TRIM33: variants seen among roughly 807,000 people sequenced by gnomAD.
TRIM33 encodes the protein tripartite motif containing 33.
A neutral mutation model predicts 125.4 loss-of-function variants in TRIM33; 20 were observed. The observed-to-expected ratio is 0.16, with a 90% CI of 0.11 to 0.23. The LOEUF (loss-of-function observed/expected upper bound fraction) is 0.23. Ranked by LOEUF, TRIM33 falls within the 10% of genes least tolerant of loss-of-function variation. The probability of loss-of-function intolerance (pLI) is 1.00; values close to 1 mark genes in which losing one functional copy is unlikely to be tolerated. For synonymous variants in TRIM33, 564 were observed against 513.9 expected (o/e 1.10, Z -1.32); for missense variants, 920 against 1,411.4 (o/e 0.65, Z 5.58).
intron 4 of TRIM33, among the ~76,000 whole-genome samples, chr1:114,444,593 C>G (rs1249999261): frequency 6.6e-6 from 1 of 152,176 alleles, no homozygotes. Context: ...AAATTGGGTA[C>G]CACCAACTTA....
chr1:114,511,040 C>T lies in TRIM33; in HGVS notation c.37G>A (p.Gly13Ser). ...GGCGCGCTGCCGCTGCCCCCGCCGC[C>T]GCTCTCAGCCTCGCCGCCGCCTTTG... ...ENKGGGEAESGGGGSGSAPVT... is the reference protein window; with the variant it reads ...ENKGGGEAESSGGGSGSAPVT... The change falls in exon 1 of 20, where the codon GGC (glycine) becomes AGC (serine). Residue 13 changes from glycine to serine, a missense_variant. Gly to Ser is a moderately conservative substitution (Grantham distance 56). Around this residue, in one of 8 missense-constraint regions of TRIM33, gnomAD observed 233 missense variants for 189.6 expected, o/e 1.23. Coordinates refer to ENST00000358465, the MANE Select transcript of TRIM33 (RefSeq NM_015906.4). 1 of 1,313,836 alleles carries T rather than the reference C, an allele frequency of 7.6e-7. No homozygotes were observed. The allele number at this position is 1,313,836 out of a possible 1,614,324, so 81.4% of individuals were successfully genotyped here.
intron 11 of TRIM33, among the ~76,000 whole-genome samples, chr1:114,420,711 A>C (rs1389353579): frequency 6.6e-6 from 1 of 152,228 alleles, no homozygotes; most frequent in African/African-American, 2.4e-5. Flanking sequence ...GCTCTGATCT[A>C]TGTTATAGAA....
At position 114,463,752 on chromosome 1, in the gene TRIM33, T is replaced by C. The variant is rs112336190; in HGVS notation, c.646-196A>G. Among the ~76,000 whole-genome samples the C allele has an allele frequency of 6.5e-3, 987 of 151,114 alleles. 6 individuals are homozygous for C. The highest frequency in any genetic ancestry group is 0.014 in the African/African-American group (594 of 41,108). Reference sequence around the variant, plus strand: ...AAAATCTAAGGCTGAGAACACGAAGTCTGTGCAGATTTGACTTTTTTTTTT... The same window carrying C: ...AAAATCTAAGGCTGAGAACACGAAGCCTGTGCAGATTTGACTTTTTTTTTT... On this transcript the variant is annotated intron_variant, in intron 2 of 19. Transcript: ENST00000358465.
intron 1 of TRIM33, among the ~76,000 whole-genome samples, chr1:114,491,639 C>CA (rs1053875393): frequency 2.2e-4 from 34 of 151,850 alleles, no homozygotes; most frequent in Non-Finnish European, 4.3e-4. Flanking sequence ...CCAGTCTTTA[C>CA]AAAAAATGTA....
At chr1:114,479,622 G>A (rs1242336823) in intron 1 of TRIM33, among the ~76,000 whole-genome samples, 1 of 152,216 alleles carries the variant, frequency 6.6e-6, no homozygotes, top group Non-Finnish European at 1.5e-5. Flanking sequence ...TCTAAAGGAA[G>A]TCTGTCAGGA....
intron 11 of TRIM33, 145 bp from the exon 12 acceptor site, chr1:114,410,461 C>T: frequency 2.6e-6 from 2 of 773,168 alleles, no homozygotes; most frequent in Non-Finnish European, 4.0e-6. Context: ...TCCTTAGGGT[C>T]CACTGAGGGC....
At chr1:114,501,284 A>G (rs1000124950) in intron 1 of TRIM33, among the ~76,000 whole-genome samples, 2 of 151,880 alleles carry the variant, frequency 1.3e-5, no homozygotes, top group Non-Finnish European at 2.9e-5. Context: ...GATGTCAGCC[A>G]GGAAGGACTG....
intron 11 of TRIM33, among the ~76,000 whole-genome samples, chr1:114,415,336 A>G (rs1044676075): frequency 2.6e-5 from 4 of 152,114 alleles, no homozygotes; most frequent in Non-Finnish European, 4.4e-5. Flanking sequence ...AGTCAGCATA[A>G]AAAAGAAAAA....
chr1:114,454,403 A>T (rs913024697), intron 4 of TRIM33, among the ~76,000 whole-genome samples: 2 of 152,170 alleles, frequency 1.3e-5, no homozygotes, highest in Non-Finnish European at 2.9e-5. Context: ...GAAAAAAAGT[A>T]GGCCAGGCAT....
At chr1:114,420,464 T>C (rs1426812481) in intron 11 of TRIM33, 4 of 1,320,482 alleles carry the variant, frequency 3.0e-6, no homozygotes, top group Non-Finnish European at 4.0e-6. Flanking sequence ...GTGGCAGGTG[T>C]AGAAAGGGAG....
At chr1:114,510,467 A>C in intron 1 of TRIM33, 84 bp downstream of exon 1, 1 of 1,307,150 alleles carries the variant, frequency 7.7e-7, no homozygotes, top group South Asian at 1.7e-5. Flanking sequence ...GAGCAGCCCC[A>C]GGCCCCAGCA....
At chr1:114,461,260 A>T (rs1649973843) in intron 4 of TRIM33, among the ~76,000 whole-genome samples, 2 of 145,982 alleles carry the variant, frequency 1.4e-5, no homozygotes, top group Admixed American at 6.9e-5. Context: ...TTTATATTTT[A>T]TATATATTAT....
chr1:114,421,387 T>G (rs747717348), intron 11 of TRIM33, 49 bp downstream of exon 11: 5 of 1,516,870 alleles, frequency 3.3e-6, no homozygotes, highest in South Asian at 2.3e-5. Context: ...ACTCTAACTC[T>G]GTAATTAACA....
chr1:114,397,589 G>GTTTTGTTT lies in TRIM33; in HGVS notation c.*58_*59insAAACAAAA. On this transcript the variant is annotated 3_prime_UTR_variant, in exon 20 of 20. Transcript: ENST00000358465. ...CTTAAAAGTTTTCTGGGTTTTTTGT[G>GTTTTGTTT]TTTTTTTTTTTTTTTTCGTTTTTTT... is the stretch of plus-strand genomic sequence containing the variant. 2 of 637,680 alleles carry GTTTTGTTT rather than the reference G, an allele frequency of 3.1e-6. No individual in the cohort carries two copies. Among genetic ancestry groups the GTTTTGTTT allele is most frequent in the South Asian group, 2.1e-5 (1 of 48,376 alleles). The allele number at this position is 637,680 out of a possible 1,614,324, so 39.5% of individuals were successfully genotyped here. A position where few individuals can be genotyped will look rare whatever the true frequency, so the allele number is the denominator to read the frequency against.
intron 11 of TRIM33, among the ~76,000 whole-genome samples, chr1:114,410,982 T>C (rs757266621): frequency 2.6e-5 from 4 of 152,202 alleles, no homozygotes; most frequent in Non-Finnish European, 4.4e-5. Context: ...AAAAAAATTA[T>C]TTAAGTATGA....
At chr1:114,506,180 G>A (rs951523218) in intron 1 of TRIM33, among the ~76,000 whole-genome samples, 62 of 151,874 alleles carry the variant, frequency 4.1e-4, no homozygotes, top group African/African-American at 1.4e-3. Context: ...TCAGGAGTTC[G>A]AGACCAGCCT....
At chr1:114,444,071 C>A (rs935512487) in intron 4 of TRIM33, among the ~76,000 whole-genome samples, 47 of 152,206 alleles carry the variant, frequency 3.1e-4, no homozygotes, top group African/African-American at 1.0e-3. Context: ...ATCATCCTAC[C>A]TCTCTGTCTG....
rs949012646 is a variant in TRIM33 at position 114,476,446 on chromosome 1, G to T, written c.527-12058C>A. ...ATTATTTCCATCTGTAGACTTAAAT[G>T]TTTAAAAACAAAACTAATAAAACTT... is the stretch of plus-strand genomic sequence containing the variant. On this transcript the variant is annotated intron_variant, in intron 1 of 19. Transcript: ENST00000358465. Among the ~76,000 whole-genome samples the T allele has an allele frequency of 7.9e-5, 12 of 151,986 alleles. No individual in the cohort carries two copies. In the East Asian group the frequency reaches 2.3e-3, roughly 29 times the overall value.
chr1:114,414,523 C>G (rs1652806665), intron 11 of TRIM33, among the ~76,000 whole-genome samples: 1 of 152,140 alleles, frequency 6.6e-6, no homozygotes. Flanking sequence ...TTACTGATGA[C>G]ATCTCCCTAC....
Sources: allele counts gnomAD v4.1 joint callset (sites outside exome capture counted in the v4.1 genomes callset), GRCh38; gene constraint gnomAD v4.1.1; regional missense constraint gnomAD v4.1.1; transcripts MANE v1.5; gene names NCBI Gene and HGNC (gene_info 2026-07-23, HGNC 2026-07-21).